The following NSD1 variants were observed in gnomAD, a reference collection of about 807,000 sequenced individuals.
NSD1 encodes nuclear receptor binding SET domain protein 1.
Under a neutral mutation model 242.7 loss-of-function variants are expected in NSD1, and 26 were observed. The observed-to-expected ratio is 0.11, with a 90% CI of 0.08 to 0.15. NSD1 has a LOEUF of 0.15. Among genes scored for constraint, NSD1 ranks in the 10% least tolerant of loss-of-function variants. The pLI, the probability that NSD1 is intolerant of heterozygous loss-of-function variation, is 1.00. For missense variants in NSD1, 2,495 were observed against 3,272.8 expected (o/e 0.76, Z 5.80); for synonymous variants, 1,106 against 1,178.1 (o/e 0.94, Z 1.25).
At chr5:177,223,244 G>A (rs1764378745) in intron 5 of NSD1, among the ~76,000 whole-genome samples, 1 of 151,836 alleles carries the variant, frequency 6.6e-6, no homozygotes, top group Admixed American at 6.6e-5. Flanking sequence ...AGCACGTCTG[G>A]CTAATTTTAA....
intron 5 of NSD1, among the ~76,000 whole-genome samples, chr5:177,216,443 C>G (rs957417416): frequency 2.6e-5 from 4 of 151,602 alleles, no homozygotes; most frequent in African/African-American, 9.7e-5. Flanking sequence ...CGTCTGTTTT[C>G]TTCTAGGAGT....
Position 177,135,697 on chromosome 5 carries a change from A to G in NSD1, c.594A>G (p.Lys198=). ...QTNATCNYET[K]SENGVKVAMG... is the part of the protein sequence containing the mutation. Reference sequence around the variant, plus strand: ...ATGCCACCTGCAATTATGAGACTAAATCAGAGAATGGTGTAAAAGTGGCCA... The same window carrying G: ...ATGCCACCTGCAATTATGAGACTAAGTCAGAGAATGGTGTAAAAGTGGCCA... Residue 198 remains lysine (K), a synonymous_variant, in exon 2 of 23, where the codon AAA becomes AAG. Coordinates refer to ENST00000439151, the MANE Select transcript of NSD1 (RefSeq NM_022455.5). 1 of 1,614,240 alleles carries G rather than the reference A, an allele frequency of 6.2e-7. No homozygotes were observed. The highest frequency in any genetic ancestry group is 1.7e-5 in the Admixed American group (1 of 60,016).
intron 2 of NSD1, among the ~76,000 whole-genome samples, chr5:177,170,606 G>C (rs984736515): frequency 2.0e-5 from 3 of 152,136 alleles, no homozygotes; most frequent in African/African-American, 4.8e-5. Context: ...GCCTGCCTCA[G>C]CTTCCTGAAG....
In NSD1 at chr5:177,235,867, T is replaced by A; in HGVS notation, c.3843T>A (p.Leu1281=). Residue 1281 remains leucine, a synonymous_variant, in exon 6 of 23, where the codon CTT becomes CTA. Coordinates refer to ENST00000439151, the MANE Select transcript of NSD1 (RefSeq NM_022455.5). ...GCCTTAGGAAGCCAAGCAAGTGGCTTTTGGAATATACAGAAGAATATGATC... is the reference window on the plus strand; with the variant it reads ...GCCTTAGGAAGCCAAGCAAGTGGCTATTGGAATATACAGAAGAATATGATC... ...KKRLRKPSKW[L]LEYTEEYDQI... 1 of 1,613,996 alleles carries A rather than the reference T, an allele frequency of 6.2e-7. No homozygotes were observed. The highest frequency in any genetic ancestry group is 8.5e-7 in the Non-Finnish European group (1 of 1,179,918).
intron 17 of NSD1, 59 bp downstream of exon 17, chr5:177,273,843 C>G (rs1758136028): frequency 9.1e-7 from 1 of 1,102,838 alleles, no homozygotes; most frequent in South Asian, 1.3e-5. Flanking sequence ...CTGGCTCTTC[C>G]CACTCTGTTC....
At chr5:177,179,660 C>T (rs1760496084) in intron 2 of NSD1, among the ~76,000 whole-genome samples, 1 of 152,228 alleles carries the variant, frequency 6.6e-6, no homozygotes, top group South Asian at 2.1e-4. Context: ...CTACAAGGGG[C>T]TCTCATGAGC....
rs1760316491 is a variant in NSD1 at position 177,297,323 on chromosome 5, G to GA, written c.*1868dup. ...AAAAGCTCTTTGTTCAAAAGGAAGA[G>GA]AAAACGTAAAGCATCTTATTTTCTT... On this transcript the variant is annotated 3_prime_UTR_variant, in exon 23 of 23. Coordinates refer to ENST00000439151, the MANE Select transcript of NSD1 (RefSeq NM_022455.5). The GA allele has an allele frequency of 4.3e-6, 1 of 231,118 alleles. No individual in the cohort carries two copies. The highest frequency in any genetic ancestry group is 8.5e-6 in the Non-Finnish European group (1 of 116,966). The allele number at this position is 231,118 out of a possible 1,614,324, so 14.3% of individuals were successfully genotyped here.
At chr5:177,265,594 G>C in intron 14 of NSD1, 1 of 1,325,396 alleles carries the variant, frequency 7.5e-7, no homozygotes, top group Non-Finnish European at 1.1e-6. Flanking sequence ...AGTCTGTGGA[G>C]CAGGACAGGT....
Position 177,295,465 on chromosome 5 carries a change from A to C in NSD1, c.*6A>C. ...CAGAATCAGAACAGAAGTAGTACCA[A>C]TCAATGTCACATGAACAAACAAGCT... On this transcript the variant is annotated 3_prime_UTR_variant, in exon 23 of 23. Coordinates refer to ENST00000439151, the MANE Select transcript of NSD1 (RefSeq NM_022455.5). This position sits in a 1 kb window ranked among gnomAD's most constrained non-coding sequence, Gnocchi z 4.3. The C allele has an allele frequency of 6.2e-7, 1 of 1,613,728 alleles. No individual in the cohort carries two copies. Among genetic ancestry groups the C allele is most frequent in the Non-Finnish European group, 8.5e-7 (1 of 1,179,782 alleles).
intron 14 of NSD1, among the ~76,000 whole-genome samples, chr5:177,262,676 C>T (rs1581474860): frequency 6.6e-6 from 1 of 152,168 alleles, no homozygotes; most frequent in African/African-American, 2.4e-5. Flanking sequence ...GTCAGGAGTT[C>T]GAGACCAGCC....
rs575430256 is a variant in NSD1 at position 177,167,221 on chromosome 5, A to G, written c.928-24663A>G. 4.0e-5 allele frequency among the ~76,000 whole-genome samples: 6 copies of G among 151,546 alleles called. No individual in the cohort carries two copies. The South Asian group carries it at 8.4e-4, about 21-fold the overall frequency. ...AAATGCTATTCTTTTTCCATTGACTATTGTTTTCTCCGTGTCAAAAATTTA... is the reference window on the plus strand; with the variant it reads ...AAATGCTATTCTTTTTCCATTGACTGTTGTTTTCTCCGTGTCAAAAATTTA... On this transcript the variant is annotated intron_variant, in intron 2 of 22. Coordinates refer to ENST00000439151, the MANE Select transcript of NSD1 (RefSeq NM_022455.5).
chr5:177,194,957 G>A (rs1164382240), intron 3 of NSD1, among the ~76,000 whole-genome samples: 2 of 151,884 alleles, frequency 1.3e-5, no homozygotes, highest in Non-Finnish European at 1.5e-5. Flanking sequence ...TCAGGAGTTC[G>A]AGACCAGTCT....
At position 177,267,478 on chromosome 5, in the gene NSD1, A is replaced by AAT. The variant is rs148337854; in HGVS notation, c.5147-71_5147-70dup. ...TATATCTTTTAGTGAAGAGAAAGAA[A>AAT]ATATATATATATATGTGTATGGATG... On this transcript the variant is annotated intron_variant, in intron 14 of 22. Coordinates refer to ENST00000439151, the MANE Select transcript of NSD1 (RefSeq NM_022455.5). 1.9e-3 allele frequency: 2,177 copies of AAT among 1,116,710 alleles called. 4 individuals carry two copies. The highest frequency in any genetic ancestry group is 3.8e-3 in the South Asian group (278 of 73,672). The allele number at this position is 1,116,710 out of a possible 1,614,324, so 69.2% of individuals were successfully genotyped here. A position where few individuals can be genotyped will look rare whatever the true frequency, so the allele number is the denominator to read the frequency against.
At chr5:177,181,335 C>A (rs2149808611) in intron 2 of NSD1, among the ~76,000 whole-genome samples, 1 of 151,056 alleles carries the variant, frequency 6.6e-6, no homozygotes, top group South Asian at 2.1e-4. Context: ...GCATAAAATA[C>A]TATCAAATGG....
At chr5:177,223,158 T>G (rs1041149943) in intron 5 of NSD1, among the ~76,000 whole-genome samples, 3 of 151,270 alleles carry the variant, frequency 2.0e-5, no homozygotes, top group African/African-American at 4.9e-5. Context: ...CTTGGCTCAC[T>G]GCAACGTCTG....
intron 18 of NSD1, among the ~76,000 whole-genome samples, chr5:177,281,198 GA>G (rs1371431149): frequency 2.0e-5 from 3 of 152,124 alleles, no homozygotes; most frequent in Middle Eastern, 3.2e-3. Flanking sequence ...TTTTAGTGAG[GA>G]AAAAACAGGT....
rs530411953 is a variant in NSD1, at chr5:177,177,396, G to A, written c.928-14488G>A. Among the ~76,000 whole-genome samples, 10 of 152,172 alleles carry A rather than the reference G, an allele frequency of 6.6e-5. No homozygotes were observed. The South Asian group carries it at 1.4e-3, about 22-fold the overall frequency. ...CAGGTGTGGTGGTGCATGTCTCCCA[G>A]CTGCTCGGGAGGCTGAGGCAGGAGA... On this transcript the variant is annotated intron_variant, in intron 2 of 22. Transcript: ENST00000439151.
chr5:177,257,846 T>A (rs1228748664), intron 13 of NSD1, among the ~76,000 whole-genome samples: 1 of 142,356 alleles, frequency 7.0e-6, no homozygotes, highest in African/African-American at 2.5e-5. Context: ...TATTTTATTT[T>A]TTTTTGAGAC....
intron 2 of NSD1, among the ~76,000 whole-genome samples, chr5:177,159,629 CTT>C (rs1758569141): frequency 7.3e-6 from 1 of 137,626 alleles, no homozygotes; most frequent in African/African-American, 2.7e-5. Flanking sequence ...GAGTTTCGCT[CTT>C]GTTGCCCAGG....
Sources: allele counts gnomAD v4.1 joint callset (sites outside exome capture counted in the v4.1 genomes callset), GRCh38; gene constraint gnomAD v4.1.1; non-coding constraint Gnocchi (gnomAD v3.1); transcripts MANE v1.5; gene names NCBI Gene and HGNC (gene_info 2026-07-23, HGNC 2026-07-21).